The following LOC400499 variants were observed in gnomAD, a reference collection of about 807,000 sequenced individuals.
At chr16:11,513,327 C>T in the LOC400499 span, among the ~76,000 whole-genome samples, 1 of 147,410 alleles carries the variant, frequency 6.8e-6, no homozygotes. Context: ...ATCACCTGTG[C>T]CTGGGGAGGT....
At chr16:11,401,674 C>G in the LOC400499 span, among the ~76,000 whole-genome samples, 1 of 152,252 alleles carries the variant, frequency 6.6e-6, no homozygotes, top group South Asian at 2.1e-4. Flanking sequence ...CTTCCCTTAG[C>G]TCTGTGGCCC....
chr16:11,490,057 G>C, the LOC400499 span, among the ~76,000 whole-genome samples: 11 of 152,102 alleles, frequency 7.2e-5, no homozygotes, highest in African/African-American at 2.4e-4. Flanking sequence ...GAGTCCACAA[G>C]AGCTATAGAT....
the LOC400499 span, chr16:11,424,098 T>A: frequency 2.5e-6 from 1 of 399,168 alleles, no homozygotes; most frequent in African/African-American, 2.1e-5. Context: ...TGCAGCCCCC[T>A]CCTCACTCAC....
At chr16:11,381,140 C>T in the LOC400499 span, 1 of 152,202 alleles carries the variant, frequency 6.6e-6, no homozygotes, top group African/African-American at 2.4e-5. Context: ...CCTTGGAACT[C>T]ACTCCCCGTG....
the LOC400499 span, among the ~76,000 whole-genome samples, chr16:11,422,784 C>G: frequency 1.7e-4 from 26 of 152,308 alleles, 1 homozygote; most frequent in East Asian, 4.8e-3. Context: ...TCGGCAGAGA[C>G]AGCTTGAAGC....
chr16:11,499,930 G>A, the LOC400499 span, among the ~76,000 whole-genome samples: 5 of 152,156 alleles, frequency 3.3e-5, no homozygotes, highest in Non-Finnish European at 5.9e-5. Flanking sequence ...ACCTCTTTGG[G>A]CCTCGGTTTT....
At chr16:11,456,043 AT>A in the LOC400499 span, among the ~76,000 whole-genome samples, 255 of 142,382 alleles carry the variant, frequency 1.8e-3, 1 homozygote, top group African/African-American at 4.2e-3. Flanking sequence ...CGTGGATAAA[AT>A]TTTTTTTTTT....
chr16:11,455,039 G>C, the LOC400499 span, among the ~76,000 whole-genome samples: 1 of 152,088 alleles, frequency 6.6e-6, no homozygotes, highest in Non-Finnish European at 1.5e-5. Context: ...CTGGAAAAAA[G>C]TTTTGCAATG....
At chr16:11,454,627 G>A in the LOC400499 span, among the ~76,000 whole-genome samples, 1 of 152,234 alleles carries the variant, frequency 6.6e-6, no homozygotes, top group Non-Finnish European at 1.5e-5. Context: ...CAGAGCCTTA[G>A]AGAGAACATG....
At chr16:11,377,465 C>G in the LOC400499 span, among the ~76,000 whole-genome samples, 1 of 152,126 alleles carries the variant, frequency 6.6e-6, no homozygotes, top group South Asian at 2.1e-4. Flanking sequence ...TTCATATGAC[C>G]TTTATTATGT....
the LOC400499 span, chr16:11,390,580 G>C: frequency 2.5e-6 from 2 of 811,158 alleles, no homozygotes; most frequent in East Asian, 6.7e-5. Flanking sequence ...AAGATGTGGG[G>C]AGCTGGGGGA....
chr16:11,404,276 A>C, the LOC400499 span, among the ~76,000 whole-genome samples: 3 of 152,064 alleles, frequency 2.0e-5, 1 homozygote, highest in East Asian at 5.8e-4. Flanking sequence ...TGTCTCCCTG[A>C]GGGGTGACAC....
chr16:11,381,778 C>T, the LOC400499 span, among the ~76,000 whole-genome samples: 1 of 152,152 alleles, frequency 6.6e-6, no homozygotes, highest in Non-Finnish European at 1.5e-5. Context: ...GGTGGGAGAT[C>T]AGTTATCAAC....
At chr16:11,455,634 C>G in the LOC400499 span, among the ~76,000 whole-genome samples, 1 of 151,196 alleles carries the variant, frequency 6.6e-6, no homozygotes, top group Non-Finnish European at 1.5e-5. Context: ...ACTTGGGAGG[C>G]TGAGGCACGA....
At chr16:11,441,028 C>A in the LOC400499 span, 1 of 399,078 alleles carries the variant, frequency 2.5e-6, no homozygotes, top group Non-Finnish European at 4.4e-6. Context: ...AAGTGCAGGA[C>A]AACTTTCCGG....
the LOC400499 span, chr16:11,384,888 C>A: frequency 1.6e-6 from 2 of 1,232,266 alleles, no homozygotes; most frequent in East Asian, 3.2e-5. Flanking sequence ...CCAGACCCAC[C>A]GTGCTGCCAG....
chr16:11,396,613 GC>G, the LOC400499 span: 4 of 1,232,074 alleles, frequency 3.2e-6, no homozygotes, highest in African/African-American at 6.2e-5. Flanking sequence ...GGCCCAGGTG[GC>G]AGCGGGAACG....
At chr16:11,384,861 G>A in the LOC400499 span, 5 of 1,232,064 alleles carry the variant, frequency 4.1e-6, no homozygotes, top group African/African-American at 4.7e-5. Context: ...TGTAGGTGGG[G>A]CCAACCCTCC....
chr16:11,468,198 CAGTT>C, the LOC400499 span, among the ~76,000 whole-genome samples: 20 of 152,326 alleles, frequency 1.3e-4, no homozygotes, highest in African/African-American at 4.1e-4. Context: ...TGAAGACACA[CAGTT>C]AGCGTACTTT....
Sources: allele counts gnomAD v4.1 joint callset (sites outside exome capture counted in the v4.1 genomes callset), GRCh38; gene constraint gnomAD v4.1.1; transcripts MANE v1.5.